NECTIN1: variants seen among roughly 807,000 people sequenced by gnomAD.
NECTIN1 encodes the protein nectin-1.
In NECTIN1, 23 loss-of-function variants were observed where a neutral mutation model predicts 48.0. The ratio of observed to expected loss-of-function variants is 0.48; its 90% CI spans 0.34 to 0.68. NECTIN1 has a LOEUF of 0.68. Ranked by LOEUF, NECTIN1 falls within the 30% of genes least tolerant of loss-of-function variation. The probability of loss-of-function intolerance (pLI) is 0.01; values close to 1 mark genes in which losing one functional copy is unlikely to be tolerated. For missense variants in NECTIN1, 591 were observed against 709.9 expected (o/e 0.83, Z 1.90); for synonymous variants, 270 against 288.9 (o/e 0.93, Z 0.66).
At chr11:119,711,118 G>A (rs7944015) in intron 1 of NECTIN1, among the ~76,000 whole-genome samples, 67,938 of 150,962 alleles carry the variant, frequency 0.45, 15,993 homozygotes, top group African/African-American at 0.58. Context: ...GGCTGGGCAC[G>A]GTGGCTCATG....
intron 5 of NECTIN1, among the ~76,000 whole-genome samples, chr11:119,653,448 G>C (rs1864520517): frequency 6.6e-6 from 1 of 152,186 alleles, no homozygotes; most frequent in African/African-American, 2.4e-5. Context: ...GCCCGGCGCG[G>C]GGATCCCAAC....
intron 5 of NECTIN1, among the ~76,000 whole-genome samples, chr11:119,648,277 A>ATGGTGGTGGTGGTGG (rs1328646018): frequency 4.0e-5 from 1 of 25,014 alleles, no homozygotes; most frequent in Non-Finnish European, 6.7e-5. Flanking sequence ...GGTGGTGGTG[A>ATGGTGGTGGTGGTGG]TGGTGGTGGT....
At chr11:119,704,644 C>T (rs1303964454) in intron 1 of NECTIN1, among the ~76,000 whole-genome samples, 1 of 152,212 alleles carries the variant, frequency 6.6e-6, no homozygotes, top group Non-Finnish European at 1.5e-5. Context: ...GCTTCTACCG[C>T]CCCATCTGTA....
rs79203946 is a variant in NECTIN1, at chr11:119,696,641, C to T, written c.80-17876G>A. 4.8e-3 allele frequency among the ~76,000 whole-genome samples: 738 copies of T among 152,184 alleles called. 4 individuals are homozygous for T. Among genetic ancestry groups the T allele is most frequent in the African/African-American group, 0.017 (723 of 41,524 alleles). On this transcript the variant is annotated intron_variant, in intron 1 of 5. Coordinates refer to ENST00000264025, the MANE Select transcript of NECTIN1 (RefSeq NM_002855.5). ...GGGTGTTGGGGGCAAGAGAAAGGGG[C>T]AGGAGGTCTGTCCCATTTCTGAGGA...
At chr11:119,715,622 C>CTA (rs1865731012) in intron 1 of NECTIN1, among the ~76,000 whole-genome samples, 1 of 152,146 alleles carries the variant, frequency 6.6e-6, no homozygotes, top group Non-Finnish European at 1.5e-5. Context: ...TCCCAAAGTG[C>CTA]TAGGACTATA....
chr11:119,728,350 C>A, intron 1 of NECTIN1, 125 bp downstream of exon 1: 1 of 930,486 alleles, frequency 1.1e-6, no homozygotes, highest in South Asian at 1.7e-5. Flanking sequence ...CCCCCTTTAC[C>A]CAAGCCGTGA....
chr11:119,715,350 G>GT (rs1865727412), intron 1 of NECTIN1, among the ~76,000 whole-genome samples: 1 of 151,950 alleles, frequency 6.6e-6, no homozygotes, highest in Admixed American at 6.6e-5. Flanking sequence ...GCTCAGGTTA[G>GT]TTTTTTATTT....
rs1864751306 is a variant in NECTIN1 at position 119,665,438 on chromosome 11, C to T, written c.1004-141G>A. The T allele has an allele frequency of 7.2e-7, 1 of 1,397,912 alleles. No homozygotes were observed. The highest frequency in any genetic ancestry group is 1.5e-5 in the South Asian group (1 of 66,504). The allele number at this position is 1,397,912 out of a possible 1,614,324, so 86.6% of individuals were successfully genotyped here. A position where few individuals can be genotyped will look rare whatever the true frequency, so the allele number is the denominator to read the frequency against. ...AGGTTTGAGCAGCTCCAGTTCGAGG[C>T]CCCGCAGCACTCCACCCATCCTGGA... is the stretch of plus-strand genomic sequence containing the variant. On this transcript the variant is annotated intron_variant, in intron 5 of 5. Transcript: ENST00000264025. This position sits in a 1 kb window ranked among gnomAD's most constrained non-coding sequence, Gnocchi z 5.1.
Position 119,678,700 on chromosome 11 carries a change from G to A in NECTIN1, c.145C>T (p.Leu49=), listed in dbSNP as rs763252242. The A allele has an allele frequency of 1.5e-5, 24 of 1,613,812 alleles. No homozygotes were observed. Among genetic ancestry groups the A allele is most frequent in the Non-Finnish European group, 2.0e-5 (24 of 1,179,994 alleles). The change falls in exon 2 of 6, where the codon CTG becomes TTG. Residue 49 remains leucine (L), a synonymous_variant. Coordinates refer to ENST00000264025, the MANE Select transcript of NECTIN1 (RefSeq NM_002855.5). The surrounding 1 kb of genome is among the most constrained non-coding windows in gnomAD (Gnocchi z 4.4). ...MYGFIGTDVV[L]HCSFANPLPS... is the part of the protein sequence containing the mutation. Reference sequence around the variant, plus strand: ...AGCGGGTTGGCAAAGCTGCAGTGCAGAACCACGTCTGTGCCGATGAAGCCA... The same window carrying A: ...AGCGGGTTGGCAAAGCTGCAGTGCAAAACCACGTCTGTGCCGATGAAGCCA...
At chr11:119,648,367 ATGGTGG>A (rs1565376764) in intron 5 of NECTIN1, among the ~76,000 whole-genome samples, 1 of 31,542 alleles carries the variant, frequency 3.2e-5, no homozygotes, top group Non-Finnish European at 6.2e-5. Flanking sequence ...GATGCTGGTG[ATGGTGG>A]TGATGGTGGT....
At chr11:119,728,032 C>G (rs865993154) in intron 1 of NECTIN1, among the ~76,000 whole-genome samples, 3 of 150,112 alleles carry the variant, frequency 2.0e-5, no homozygotes, top group East Asian at 1.9e-4. Context: ...AGAGACGAAG[C>G]CCCCCCGCCA....
chr11:119,650,204 G>A (rs1384209388), intron 5 of NECTIN1, among the ~76,000 whole-genome samples: 1 of 152,116 alleles, frequency 6.6e-6, no homozygotes, highest in African/African-American at 2.4e-5. Context: ...CACTTCTTTT[G>A]TGGTGGAATG....
rs1401894924 is a variant in NECTIN1, at chr11:119,665,056, G to A, written c.1245C>T (p.Asn415=). The change falls in exon 6 of 6, where the codon AAC becomes AAT. Residue 415 remains asparagine (N), a synonymous_variant. Transcript: ENST00000264025. This position sits in a 1 kb window ranked among gnomAD's most constrained non-coding sequence, Gnocchi z 5.1. ...CGTCTGAGTCGTCGGGGTACTGCAG[G>A]TTCTGTGCCATTGGTGGGTGGTGCT... ...IPQHHPPMAQ[N]LQYPDDSDDE... 1 of 1,613,982 alleles carries A rather than the reference G, an allele frequency of 6.2e-7. No homozygotes were observed. Among genetic ancestry groups the A allele is most frequent in the Non-Finnish European group, 8.5e-7 (1 of 1,179,956 alleles).
At chr11:119,668,234 A>G (rs1375127615) in intron 5 of NECTIN1, among the ~76,000 whole-genome samples, 1 of 152,180 alleles carries the variant, frequency 6.6e-6, no homozygotes, top group Non-Finnish European at 1.5e-5. Context: ...TCCTGTCGCC[A>G]CTGTCACCAC....
chr11:119,648,274 GTGA>G lies in NECTIN1; in HGVS notation c.1004-8265_1004-8263del, dbSNP rs372848828. Among the ~76,000 whole-genome samples the G allele has an allele frequency of 6.3e-4, 22 of 34,760 alleles. 1 individual carries two copies. The highest frequency in any genetic ancestry group is 2.6e-3 in the South Asian group (3 of 1,176). 22.8% of individuals were successfully genotyped at this position (34,760 alleles called of 152,430 possible). A position where few individuals can be genotyped will look rare whatever the true frequency, so the allele number is the denominator to read the frequency against. On this transcript the variant is annotated intron_variant, in intron 5 of 7. Transcript: ENST00000341398. The stretch of plus-strand genomic sequence containing the variant: ...GATAGAGGTGGTAATAGTGGTGGTG[GTGA>G]TGGTGGTGGTGATGGTGGTGGTGGT...
intron 5 of NECTIN1, among the ~76,000 whole-genome samples, chr11:119,648,394 ATGGTGGTGATGGTGATGGTGG>A (rs1864442352): frequency 1.5e-4 from 1 of 6,674 alleles, no homozygotes. Context: ...GGTGGTGGTG[ATGGTGGTGATGGTGATGGTGG>A]TGGTGATGGT....
intron 5 of NECTIN1, among the ~76,000 whole-genome samples, chr11:119,650,254 G>A (rs532853326): frequency 1.3e-5 from 2 of 152,164 alleles, no homozygotes; most frequent in South Asian, 2.1e-4. Context: ...GGATGTGTAC[G>A]TGCAGGTCAC....
downstream of NECTIN1, among the ~76,000 whole-genome samples, chr11:119,657,584 T>C (rs151177178): frequency 1.2e-3 from 175 of 141,388 alleles, 4 homozygotes; most frequent in East Asian, 0.034. Context: ...CACTGCACTC[T>C]AGCCTGGTGA....
In NECTIN1 at chr11:119,663,152, G is replaced by T. The variant is rs368193026; in HGVS notation, c.*1595C>A. On this transcript the variant is annotated 3_prime_UTR_variant, in exon 6 of 6. Transcript: ENST00000264025. ...CCTGCAGAGCCCCTGACACCCTGGG[G>T]TGAGTTAACTGGAATCCCAGTGGGC... The T allele has an allele frequency of 5.4e-4, 533 of 985,542 alleles. No homozygotes were observed. The highest frequency in any genetic ancestry group is 3.1e-3 in the Middle Eastern group (6 of 1,916). 61.0% of individuals were successfully genotyped at this position (985,542 alleles called of 1,614,324 possible). A position where few individuals can be genotyped will look rare whatever the true frequency, so the allele number is the denominator to read the frequency against.
Sources: allele counts gnomAD v4.1 joint callset (sites outside exome capture counted in the v4.1 genomes callset), GRCh38; gene constraint gnomAD v4.1.1; non-coding constraint Gnocchi (gnomAD v3.1); transcripts MANE v1.5; gene names NCBI Gene and HGNC (gene_info 2026-07-23, HGNC 2026-07-21).